Variants in BANF2 observed in about 807,000 individuals in gnomAD.
The protein encoded by BANF2 is barrier-to-autointegration factor-like protein.
Under a neutral mutation model 8.0 loss-of-function variants are expected in BANF2, and 4 were observed. The ratio of observed to expected loss-of-function variants is 0.50; its 90% CI spans 0.25 to 1.14. The LOEUF is 1.14. Ranked by LOEUF, BANF2 falls within the 50% of genes most tolerant of loss-of-function variation. The probability of loss-of-function intolerance (pLI) is 0.16; values close to 1 mark genes in which losing one functional copy is unlikely to be tolerated. For synonymous variants in BANF2, 50 were observed against 40.6 expected (o/e 1.23, Z -0.88); for missense variants, 96 against 107.5 (o/e 0.89, Z 0.47).
At chr20:17,728,952 C>T (rs141899198) in intron 3 of BANF2, among the ~76,000 whole-genome samples, 102 of 152,292 alleles carry the variant, frequency 6.7e-4, no homozygotes, top group African/African-American at 2.1e-3. Flanking sequence ...TTATTGATTA[C>T]ACGTTGAAAT....
intron 1 of BANF2, among the ~76,000 whole-genome samples, chr20:17,710,605 G>A (rs891469067): frequency 6.6e-6 from 1 of 152,154 alleles, no homozygotes. Flanking sequence ...GCCCAGGCTG[G>A]CACCAGACCT....
chr20:17,718,829 G>A (rs75751904), intron 1 of BANF2, among the ~76,000 whole-genome samples: 4,920 of 152,220 alleles, frequency 0.032, 289 homozygotes, highest in African/African-American at 0.11. Context: ...AACCAGAATT[G>A]TTTTTGGTCA....
At chr20:17,709,740 G>T (rs2093396485) in intron 1 of BANF2, among the ~76,000 whole-genome samples, 1 of 152,318 alleles carries the variant, frequency 6.6e-6, no homozygotes, top group Admixed American at 6.5e-5. Context: ...AATGCCATAG[G>T]TCAGTTAATT....
intron 1 of BANF2, among the ~76,000 whole-genome samples, chr20:17,700,857 C>T (rs1374315172): frequency 5.3e-5 from 8 of 152,188 alleles, no homozygotes; most frequent in Admixed American, 3.9e-4. Context: ...CTACCATGGC[C>T]CATTCGTGTT....
intron 1 of BANF2, among the ~76,000 whole-genome samples, chr20:17,703,126 G>T (rs1002660620): frequency 6.6e-6 from 1 of 152,066 alleles, no homozygotes; most frequent in Non-Finnish European, 1.5e-5. Flanking sequence ...TTTTTCCTCT[G>T]ATCATTTTAT....
intron 3 of BANF2, among the ~76,000 whole-genome samples, chr20:17,728,716 C>T (rs563986404): frequency 8.5e-5 from 13 of 152,242 alleles, no homozygotes; most frequent in African/African-American, 2.6e-4. Flanking sequence ...TAAGCCTCTT[C>T]GGGAGCTTAA....
intron 3 of BANF2, among the ~76,000 whole-genome samples, chr20:17,734,269 T>C (rs2037943155): frequency 6.6e-6 from 1 of 152,206 alleles, no homozygotes; most frequent in Non-Finnish European, 1.5e-5. Context: ...AGTGCTTATC[T>C]TCCATGTATT....
Position 17,705,051 on chromosome 20 carries a change from G to A in BANF2, c.-167+4996G>A, listed in dbSNP as rs576745171. 2.6e-4 allele frequency among the ~76,000 whole-genome samples: 34 copies of A among 129,306 alleles called. 1 individual carries two copies. The highest frequency in any genetic ancestry group is 2.1e-3 in the Admixed American group (29 of 13,958). The allele number at this position is 129,306 out of a possible 152,430, so 84.8% of individuals were successfully genotyped here. ...GCCAGGAGGATGTGTTACCTCATTG[G>A]CCAGGCCTGGTCATGTGTGTTGTTA... On this transcript the variant is annotated intron_variant, in intron 1 of 3. Coordinates refer to ENST00000246090, the MANE Select transcript of BANF2 (RefSeq NM_178477.5).
intron 3 of BANF2, among the ~76,000 whole-genome samples, chr20:17,729,028 T>C (rs910152337): frequency 6.6e-6 from 1 of 152,234 alleles, no homozygotes; most frequent in Non-Finnish European, 1.5e-5. Context: ...TCCTTCCCCT[T>C]TTTACTGTGG....
intron 3 of BANF2, among the ~76,000 whole-genome samples, chr20:17,733,829 T>C (rs913479946): frequency 6.6e-6 from 1 of 152,250 alleles, no homozygotes; most frequent in Admixed American, 6.5e-5. Context: ...TGCTTGGGTA[T>C]ATTTTATGAC....
intron 3 of BANF2, among the ~76,000 whole-genome samples, chr20:17,726,064 G>A (rs6105798): frequency 0.029 from 4,467 of 152,294 alleles, 181 homozygotes; most frequent in African/African-American, 0.088. Context: ...CCAGTAGATG[G>A]TATCATCAGA....
At chr20:17,706,083 T>C (rs1240754618) in intron 1 of BANF2, among the ~76,000 whole-genome samples, 1 of 152,168 alleles carries the variant, frequency 6.6e-6, no homozygotes, top group Non-Finnish European at 1.5e-5. Context: ...GCCACCCAAC[T>C]GGCAAGGTGA....
chr20:17,707,125 T>C (rs1425131861), intron 1 of BANF2, among the ~76,000 whole-genome samples: 1 of 152,102 alleles, frequency 6.6e-6, no homozygotes, highest in Admixed American at 6.5e-5. Context: ...GGCTCACGCC[T>C]GTAATCCCAG....
intron 1 of BANF2, among the ~76,000 whole-genome samples, chr20:17,704,603 C>T (rs530923553): frequency 1.3e-5 from 2 of 152,362 alleles, no homozygotes; most frequent in South Asian, 2.1e-4. Flanking sequence ...CCCATCCTAC[C>T]TCCCAAGCAC....
intron 1 of BANF2, among the ~76,000 whole-genome samples, chr20:17,707,272 G>C (rs1329841133): frequency 6.6e-6 from 1 of 151,780 alleles, no homozygotes; most frequent in Non-Finnish European, 1.5e-5. Flanking sequence ...CGCAGTCCCA[G>C]CTACTGAGGC....
intron 3 of BANF2, among the ~76,000 whole-genome samples, chr20:17,725,825 A>G (rs1425756718): frequency 6.6e-6 from 1 of 152,198 alleles, no homozygotes; most frequent in Non-Finnish European, 1.5e-5. Flanking sequence ...GGCACCAGCT[A>G]GAGCTGTTGC....
chr20:17,716,913 T>C (rs985111937), intron 1 of BANF2, among the ~76,000 whole-genome samples: 2 of 151,222 alleles, frequency 1.3e-5, no homozygotes, highest in Non-Finnish European at 2.9e-5. Context: ...GGGGTCTCAC[T>C]TGGTTGCCCA....
intron 3 of BANF2, among the ~76,000 whole-genome samples, chr20:17,732,571 G>A (rs910921933): frequency 6.6e-6 from 1 of 152,174 alleles, no homozygotes; most frequent in Non-Finnish European, 1.5e-5. Context: ...TGGCCAGGCT[G>A]GTCTCGAACT....
At chr20:17,706,124 G>T (rs4814637) in intron 1 of BANF2, among the ~76,000 whole-genome samples, 41,919 of 152,146 alleles carry the variant, frequency 0.28, 7,121 homozygotes, top group Admixed American at 0.41. Flanking sequence ...GGGCTTGAAG[G>T]TTGGCCAAAT....
Sources: allele counts gnomAD v4.1 joint callset (sites outside exome capture counted in the v4.1 genomes callset), GRCh38; gene constraint gnomAD v4.1.1; transcripts MANE v1.5; gene names NCBI Gene and HGNC (gene_info 2026-07-23, HGNC 2026-07-21).